The following PDE1A variants were observed in gnomAD, a reference collection of about 807,000 sequenced individuals.
PDE1A encodes dual specificity calcium/calmodulin-dependent 3',5'-cyclic nucleotide phosphodiesterase 1A.
A neutral mutation model predicts 61.7 loss-of-function variants in PDE1A; 35 were observed. That is an observed-to-expected ratio of 0.57 (90% CI 0.43 to 0.75). The LOEUF (loss-of-function observed/expected upper bound fraction) is 0.75, where lower values mean the gene tolerates loss of function less well. Among genes scored for constraint, PDE1A ranks in the 30% least tolerant of loss-of-function variants. The probability of loss-of-function intolerance (pLI) is 0.00; values close to 1 mark genes in which losing one functional copy is unlikely to be tolerated. For missense variants in PDE1A, 597 were observed against 630.6 expected, an observed-to-expected ratio of 0.95 and a Z score of 0.57; for synonymous variants, 232 against 213.2, an observed-to-expected ratio of 1.09 and a Z score of -0.77.
At chr2:182,388,988 T>G (rs1057021126) in intron 1 of PDE1A, among the ~76,000 whole-genome samples, 3 of 152,118 alleles carry the variant, frequency 2.0e-5, no homozygotes, top group Non-Finnish European at 2.9e-5. Flanking sequence ...CAATGCATCA[T>G]GAGAGACTAC....
At chr2:182,522,711 T>C in exon 1 of PDE1A, 2 of 1,023,972 alleles carry the variant, frequency 2.0e-6, no homozygotes, top group Non-Finnish European at 2.4e-6. Context: ...TCTGTTACTG[T>C]TCTGTGCACT....
At chr2:182,466,700 G>A (rs373166553) in intron 2 of PDE1A, among the ~76,000 whole-genome samples, 8 of 152,088 alleles carry the variant, frequency 5.3e-5, no homozygotes, top group East Asian at 3.9e-4. Context: ...GGTGTTACTC[G>A]TATTCATCAC....
the PDE1A span, among the ~76,000 whole-genome samples, chr2:182,687,379 A>G: frequency 3.3e-5 from 5 of 152,328 alleles, no homozygotes; most frequent in East Asian, 9.7e-4. Flanking sequence ...GTTCAGCAAT[A>G]TTCCCTGTTC....
intron 2 of PDE1A, among the ~76,000 whole-genome samples, chr2:182,462,751 T>G (rs1326638562): frequency 6.6e-6 from 1 of 152,078 alleles, no homozygotes; most frequent in Admixed American, 6.6e-5. Context: ...CTAGGATTAT[T>G]TTTCCCTACT....
At chr2:182,559,808 T>C in the PDE1A span, among the ~76,000 whole-genome samples, 11 of 152,218 alleles carry the variant, frequency 7.2e-5, 1 homozygote, top group African/African-American at 2.6e-4. Flanking sequence ...AATTAATCAT[T>C]TACAACTAAA....
At chr2:182,408,181 CAAAAA>C (rs5836834) in intron 1 of PDE1A, among the ~76,000 whole-genome samples, 1 of 116,100 alleles carries the variant, frequency 8.6e-6, no homozygotes. Context: ...AAGTATCTGC[CAAAAA>C]AAAAAAAAAA....
chr2:182,469,347 T>C (rs1281557876), intron 2 of PDE1A, among the ~76,000 whole-genome samples: 2 of 151,960 alleles, frequency 1.3e-5, no homozygotes, highest in East Asian at 1.9e-4. Flanking sequence ...TGCACTTTTA[T>C]GTTAGGAAGA....
the PDE1A span, among the ~76,000 whole-genome samples, chr2:182,555,820 A>T: frequency 1.3e-5 from 2 of 151,836 alleles, no homozygotes; most frequent in Admixed American, 6.6e-5. Context: ...TACAAAAATT[A>T]GCCAGATATG....
intron 2 of PDE1A, among the ~76,000 whole-genome samples, chr2:182,469,384 C>G (rs1345093605): frequency 2.0e-5 from 3 of 151,924 alleles, no homozygotes; most frequent in African/African-American, 7.2e-5. Context: ...ACCTCATGAA[C>G]CAGCCTCTGC....
chr2:182,332,279 T>C (rs989387482), intron 1 of PDE1A, among the ~76,000 whole-genome samples: 1 of 152,322 alleles, frequency 6.6e-6, no homozygotes, highest in East Asian at 1.9e-4. Context: ...CTTAGCTTTC[T>C]TGCATTGGGT....
intron 1 of PDE1A, among the ~76,000 whole-genome samples, chr2:182,383,106 T>C (rs1293333059): frequency 6.6e-6 from 1 of 152,172 alleles, no homozygotes; most frequent in Non-Finnish European, 1.5e-5. Flanking sequence ...AGACTCCCCA[T>C]AATCTAAAAA....
At chr2:182,312,505 A>C in intron 1 of PDE1A, among the ~76,000 whole-genome samples, 1 of 151,888 alleles carries the variant, frequency 6.6e-6, no homozygotes, top group African/African-American at 2.4e-5. Flanking sequence ...CTAGCAGTTT[A>C]TTTTATTTCT....
At chr2:182,555,925 C>T in the PDE1A span, among the ~76,000 whole-genome samples, 1 of 139,392 alleles carries the variant, frequency 7.2e-6, no homozygotes, top group Non-Finnish European at 1.5e-5. Flanking sequence ...CGAGATGTCG[C>T]CACTGCACTC....
At chr2:182,282,092 C>T (rs1335138429) in intron 1 of PDE1A, among the ~76,000 whole-genome samples, 1 of 151,832 alleles carries the variant, frequency 6.6e-6, no homozygotes, top group East Asian at 1.9e-4. Context: ...GGGAGTAGGC[C>T]TATCCAGTTA....
At chr2:182,524,697 T>G (rs1392299621), upstream of PDE1A, among the ~76,000 whole-genome samples, 1 of 152,108 alleles carries the variant, frequency 6.6e-6, no homozygotes, top group Non-Finnish European at 1.5e-5. Flanking sequence ...GTTACTTCTG[T>G]TAACATAGAG....
chr2:182,575,631 A>G, the PDE1A span, among the ~76,000 whole-genome samples: 2 of 150,564 alleles, frequency 1.3e-5, no homozygotes, highest in Non-Finnish European at 3.0e-5. Context: ...GAGAAACAAT[A>G]CCAGGGTCTG....
chr2:182,403,342 G>A (rs1483593190), intron 1 of PDE1A, among the ~76,000 whole-genome samples: 1 of 152,214 alleles, frequency 6.6e-6, no homozygotes, highest in South Asian at 2.1e-4. Context: ...GCTCAAGCCT[G>A]TAATCCCAGC....
chr2:182,624,895 A>G, the PDE1A span, among the ~76,000 whole-genome samples: 7 of 152,046 alleles, frequency 4.6e-5, no homozygotes, highest in African/African-American at 1.2e-4. Flanking sequence ...TCCATACTTC[A>G]GCTGCCCCCT....
At chr2:182,357,255 G>A (rs1041699696) in intron 1 of PDE1A, among the ~76,000 whole-genome samples, 26 of 151,810 alleles carry the variant, frequency 1.7e-4, no homozygotes, top group African/African-American at 5.8e-4. Flanking sequence ...TACAGAGAGA[G>A]AGAGAGAGCA....
Sources: allele counts gnomAD v4.1 joint callset (sites outside exome capture counted in the v4.1 genomes callset), GRCh38; gene constraint gnomAD v4.1.1; transcripts MANE v1.5; gene names NCBI Gene and HGNC (gene_info 2026-07-23, HGNC 2026-07-21).